Variants in LRRC49 observed in about 807,000 individuals in gnomAD.
LRRC49 encodes leucine rich repeat containing 49, also known as leucine-rich repeat-containing protein 49.
Under a neutral mutation model 83.3 loss-of-function variants are expected in LRRC49, and 50 were observed. That is an observed-to-expected ratio of 0.60 (90% CI 0.48 to 0.76). LRRC49 has a LOEUF of 0.76. Ranked by LOEUF, LRRC49 falls within the 30% of genes least tolerant of loss-of-function variation. The probability of loss-of-function intolerance (pLI) is 0.00; values close to 1 mark genes in which losing one functional copy is unlikely to be tolerated. For synonymous variants in LRRC49, 286 were observed against 283.3 expected (o/e 1.01, Z -0.10); for missense variants, 704 against 809.1 (o/e 0.87, Z 1.58).
intron 2 of LRRC49, among the ~76,000 whole-genome samples, chr15:70,884,229 T>C (rs1298814406): frequency 6.6e-6 from 1 of 152,116 alleles, no homozygotes; most frequent in African/African-American, 2.4e-5. Context: ...TCATAGGCTA[T>C]TGATACCCAA....
At chr15:70,894,725 G>T in intron 2 of LRRC49, 1 of 717,068 alleles carries the variant, frequency 1.4e-6, no homozygotes, top group Admixed American at 3.1e-5. Context: ...AAAGTGAAGG[G>T]CAGAGTTCAC....
intron 14 of LRRC49, among the ~76,000 whole-genome samples, chr15:71,036,572 G>C (rs1167690950): frequency 6.6e-6 from 1 of 152,166 alleles, no homozygotes; most frequent in African/African-American, 2.4e-5. Flanking sequence ...TGATGGCTCT[G>C]TAAGTGATAC....
chr15:70,882,518 T>G, intron 2 of LRRC49: 1 of 1,613,966 alleles, frequency 6.2e-7, no homozygotes, highest in South Asian at 1.1e-5. Flanking sequence ...ACTCTTGATA[T>G]CCCAGTCTGT....
intron 14 of LRRC49, among the ~76,000 whole-genome samples, chr15:71,031,686 C>T (rs1482402609): frequency 1.3e-5 from 2 of 152,180 alleles, no homozygotes; most frequent in Admixed American, 1.3e-4. Flanking sequence ...GGGGCTGTTA[C>T]CTTTCCTTCA....
chr15:71,038,909 T>C (rs1189319688), intron 15 of LRRC49, among the ~76,000 whole-genome samples: 2 of 152,154 alleles, frequency 1.3e-5, no homozygotes, highest in African/African-American at 4.8e-5. Context: ...CACTGTGTAA[T>C]ATACTAGGGC....
chr15:70,878,802 T>A (rs2141081851), intron 2 of LRRC49, among the ~76,000 whole-genome samples: 1 of 152,372 alleles, frequency 6.6e-6, no homozygotes, highest in Non-Finnish European at 1.5e-5. Flanking sequence ...TGAGCTAAAC[T>A]GTACTTAGAT....
intron 14 of LRRC49, among the ~76,000 whole-genome samples, chr15:71,017,297 A>G (rs918097267): frequency 2.2e-4 from 33 of 152,290 alleles, no homozygotes; most frequent in African/African-American, 7.9e-4. Flanking sequence ...AAAACAAGAT[A>G]CATTTTATAT....
intron 7 of LRRC49, among the ~76,000 whole-genome samples, chr15:70,933,232 C>A (rs1318898177): frequency 6.6e-6 from 1 of 151,790 alleles, no homozygotes; most frequent in Admixed American, 6.6e-5. Context: ...AATTTTACTT[C>A]AAAAAATGTT....
chr15:71,027,616 C>T (rs1033211954), intron 14 of LRRC49, among the ~76,000 whole-genome samples: 1 of 151,562 alleles, frequency 6.6e-6, no homozygotes, highest in Non-Finnish European at 1.5e-5. Context: ...TCTCTTATTT[C>T]CTATTTGATT....
intron 9 of LRRC49, among the ~76,000 whole-genome samples, chr15:70,965,526 T>C (rs1241382457): frequency 1.3e-5 from 2 of 152,134 alleles, no homozygotes; most frequent in Non-Finnish European, 2.9e-5. Flanking sequence ...TCATGACTGA[T>C]ATTTATGAAA....
intron 11 of LRRC49, among the ~76,000 whole-genome samples, chr15:70,992,285 C>T (rs893614400): frequency 6.6e-6 from 1 of 152,222 alleles, no homozygotes; most frequent in Non-Finnish European, 1.5e-5. Flanking sequence ...GAAGTTTGAT[C>T]GTCTGAAGCC....
intron 1 of LRRC49, among the ~76,000 whole-genome samples, chr15:70,865,039 A>T (rs779661961): frequency 1.2e-4 from 19 of 152,138 alleles, no homozygotes; most frequent in Non-Finnish European, 2.8e-4. Context: ...TCCTGCTTCC[A>T]TTCTGGAAGA....
intron 11 of LRRC49, among the ~76,000 whole-genome samples, chr15:71,002,112 A>G (rs924773612): frequency 6.6e-6 from 1 of 152,212 alleles, no homozygotes; most frequent in African/African-American, 2.4e-5. Context: ...GGGACCCTGA[A>G]TGATACAATT....
At position 71,015,748 on chromosome 15, in the gene LRRC49, A is replaced by G. The variant is rs573354545; in HGVS notation, c.1703+2835A>G. The stretch of plus-strand genomic sequence containing the variant: ...ATAGTAACTTAGCAATATCTAATAA[A>G]TTGTAAATGCACATACCTTTACACT... On this transcript the variant is annotated intron_variant, in intron 14 of 15. Coordinates refer to ENST00000260382, the MANE Select transcript of LRRC49 (RefSeq NM_017691.5). Among the ~76,000 whole-genome samples the G allele has an allele frequency of 1.4e-3, 220 of 152,350 alleles. 1 individual carries two copies. The highest frequency in any genetic ancestry group is 3.4e-3 in the Middle Eastern group (1 of 294).
chr15:71,005,676 C>T (rs982662176), intron 11 of LRRC49, among the ~76,000 whole-genome samples: 1 of 152,052 alleles, frequency 6.6e-6, no homozygotes, highest in Non-Finnish European at 1.5e-5. Context: ...GTTGATTGTT[C>T]TTATCAATAC....
intron 9 of LRRC49, among the ~76,000 whole-genome samples, chr15:70,973,258 A>C (rs1015349662): frequency 5.3e-5 from 8 of 151,888 alleles, no homozygotes; most frequent in African/African-American, 1.9e-4. Context: ...GGTCTGCTGG[A>C]GTTTGCTGGG....
At chr15:71,013,901 G>T (rs2038741614) in intron 14 of LRRC49, among the ~76,000 whole-genome samples, 1 of 152,092 alleles carries the variant, frequency 6.6e-6, no homozygotes, top group Non-Finnish European at 1.5e-5. Context: ...TCCCAGCTGT[G>T]AGCACCAGGA....
At chr15:70,954,942 G>A (rs1004155488) in intron 8 of LRRC49, among the ~76,000 whole-genome samples, 33 of 152,216 alleles carry the variant, frequency 2.2e-4, no homozygotes, top group African/African-American at 7.7e-4. Context: ...GGCACTGAGG[G>A]TGGGAGGTGC....
In LRRC49 at chr15:70,903,556, A is replaced by C. The variant is rs114178188; in HGVS notation, c.297-996A>C. On this transcript the variant is annotated intron_variant, in intron 4 of 15. Transcript: ENST00000260382. ...ATTCTTTTTTCTCTTTATCAGGAAGATTCTGATCACTGTCATAGTTTCACT... is the reference window on the plus strand; with the variant it reads ...ATTCTTTTTTCTCTTTATCAGGAAGCTTCTGATCACTGTCATAGTTTCACT... 1.8e-3 allele frequency among the ~76,000 whole-genome samples: 277 copies of C among 152,124 alleles called. 2 individuals carry two copies. The highest frequency in any genetic ancestry group is 6.6e-3 in the African/African-American group (273 of 41,518).
Sources: gnomAD v4.1 joint callset for allele counts (sites outside exome capture counted in the v4.1 genomes callset) on GRCh38, gnomAD v4.1.1 for gene constraint, MANE v1.5 for transcripts, NCBI Gene and HGNC (gene_info 2026-07-23, HGNC 2026-07-21) for gene names.